SCUBE1: variants seen among roughly 807,000 people sequenced by gnomAD.
The protein encoded by SCUBE1 is signal peptide, CUB domain and EGF like domain containing 1.
Under a neutral mutation model 124.4 loss-of-function variants are expected in SCUBE1, and 59 were observed. That is an observed-to-expected ratio of 0.47 (90% CI 0.38 to 0.59). The LOEUF is 0.59. SCUBE1 is among the 20% of genes least tolerant of loss of function. SCUBE1 has a pLI of 0.00. For synonymous variants in SCUBE1, 545 were observed against 550.9 expected (o/e 0.99, Z 0.15); for missense variants, 1,150 against 1,371.2 (o/e 0.84, Z 2.55).
intron 21 of SCUBE1, among the ~76,000 whole-genome samples, chr22:43,204,838 G>C (rs1921153845): frequency 2.0e-5 from 3 of 151,918 alleles, no homozygotes; most frequent in African/African-American, 7.2e-5. Context: ...CAGCAACTCG[G>C]GAGGCTGAGG....
In SCUBE1 at chr22:43,203,832, G is replaced by A. The variant is rs41277513; in HGVS notation, c.*165C>T. 9.4e-3 allele frequency: 6,280 copies of A among 667,546 alleles called. 214 individuals carry two copies. Among genetic ancestry groups the A allele is most frequent in the African/African-American group, 0.078 (4,257 of 54,838 alleles). 41.4% of individuals were successfully genotyped at this position (667,546 alleles called of 1,614,324 possible). ...CAGGGTGCTCCCACAGGGGCAGCGGGTCCGAAGGGTGCCTGGGCTCGGTCT... is the reference window on the plus strand; with the variant it reads ...CAGGGTGCTCCCACAGGGGCAGCGGATCCGAAGGGTGCCTGGGCTCGGTCT... On this transcript the variant is annotated 3_prime_UTR_variant, in exon 22 of 22. Transcript: ENST00000360835.
chr22:43,301,218 C>T lies in SCUBE1; in HGVS notation c.350-10038G>A, dbSNP rs1015963320. Among the ~76,000 whole-genome samples, 4 of 152,182 alleles carry T rather than the reference C, an allele frequency of 2.6e-5. No individual in the cohort carries two copies. In the East Asian group the frequency reaches 7.7e-4, roughly 29 times the overall value. On this transcript the variant is annotated intron_variant, in intron 3 of 21. Coordinates refer to ENST00000360835, the MANE Select transcript of SCUBE1 (RefSeq NM_173050.5). ...AGGGCTGCCACGGCTGGGCCAGTCG[C>T]CCTCGTCTCTGGCCTGGATTCTCGA...
chr22:43,200,295 C>T lies in SCUBE1; in HGVS notation c.*3702G>A, dbSNP rs1295763577. On this transcript the variant is annotated 3_prime_UTR_variant, in exon 22 of 22. Transcript: ENST00000360835. Reference sequence around the variant, plus strand: ...CAGCGTGCGGCGCTGGGGACCTCATCAGCTGCTCAGGCGACAGTCGAGGAG... The same window carrying T: ...CAGCGTGCGGCGCTGGGGACCTCATTAGCTGCTCAGGCGACAGTCGAGGAG... The T allele has an allele frequency of 1.3e-5, 2 of 152,318 alleles. No individual in the cohort carries two copies. Among genetic ancestry groups the T allele is most frequent in the Admixed American group, 1.3e-4 (2 of 15,292 alleles). 9.4% of individuals were successfully genotyped at this position (152,318 alleles called of 1,614,324 possible).
At chr22:43,230,567 C>A (rs1427110643) in intron 8 of SCUBE1, among the ~76,000 whole-genome samples, 1 of 152,212 alleles carries the variant, frequency 6.6e-6, no homozygotes, top group Non-Finnish European at 1.5e-5. Flanking sequence ...CTCTCCTCAG[C>A]CCTCTGCAGA....
intron 9 of SCUBE1, 22 bp from the exon 10 acceptor site, chr22:43,227,518 G>A: frequency 1.2e-6 from 2 of 1,603,930 alleles, no homozygotes; most frequent in Non-Finnish European, 1.7e-6. Flanking sequence ...GCGGGCGTAA[G>A]GGCAGAGGGG....
intron 15 of SCUBE1, among the ~76,000 whole-genome samples, chr22:43,215,444 C>G (rs1172919571): frequency 2.6e-5 from 4 of 152,210 alleles, no homozygotes; most frequent in African/African-American, 9.7e-5. Flanking sequence ...GTAGAGGTGG[C>G]TGACATGGCG....
At chr22:43,339,915 C>T (rs1258468627) in intron 1 of SCUBE1, among the ~76,000 whole-genome samples, 10 of 26,642 alleles carry the variant, frequency 3.8e-4, no homozygotes, top group African/African-American at 6.3e-4. Flanking sequence ...CCTCATTCTA[C>T]CCCCCCAACA....
At chr22:43,245,150 G>C (rs563695950) in intron 6 of SCUBE1, among the ~76,000 whole-genome samples, 45 of 152,378 alleles carry the variant, frequency 3.0e-4, no homozygotes, top group Admixed American at 2.7e-3. Context: ...GGGGCCCTCT[G>C]AACTCCGGGG....
rs781093956 is a variant in SCUBE1 at position 43,222,705 on chromosome 22, T to C, written c.1365A>G (p.Pro455=). Residue 455 remains proline, a synonymous_variant, in exon 12 of 22, where the codon CCA becomes CCG. Coordinates refer to ENST00000360835, the MANE Select transcript of SCUBE1 (RefSeq NM_173050.5). ...TCTGCAGCGCCTTGCCCTGCGGCCC[T>C]GGAACTCCGCAGCTCAGGACGTAGC... The part of the protein sequence containing the change: ...ENSYVLSCGV[P]GPQGKALQKR... The C allele has an allele frequency of 5.6e-6, 9 of 1,606,334 alleles. No individual in the cohort carries two copies. Among genetic ancestry groups the C allele is most frequent in the Non-Finnish European group, 7.6e-6 (9 of 1,176,802 alleles).
intron 11 of SCUBE1, 129 bp from the exon 12 acceptor site, chr22:43,222,871 A>G: frequency 1.1e-6 from 1 of 948,632 alleles, no homozygotes; most frequent in Non-Finnish European, 1.6e-6. Flanking sequence ...AGTTTCTGCT[A>G]CACAACCACA....
Position 43,343,201 on chromosome 22 carries a change from G to C in SCUBE1, c.61C>G (p.Arg21Gly). The stretch of plus-strand genomic sequence containing the variant: ...GGGAGCCCGCTGCCCCCGGCCAGCC[G>C]CCCGCGTGTGCCCAGGGCCAGCAGC... Reference protein sequence around the residue: ...CVLLALGTRGRLAGGSGLPGS... With the variant: ...CVLLALGTRGGLAGGSGLPGS... Residue 21 changes from arginine (R) to glycine (G), a missense_variant, in exon 1 of 22, where the codon CGG becomes GGG. Coordinates refer to ENST00000360835, the MANE Select transcript of SCUBE1 (RefSeq NM_173050.5). The C allele has an allele frequency of 8.3e-7, 1 of 1,201,838 alleles. No individual in the cohort carries two copies. The highest frequency in any genetic ancestry group is 1.0e-6 in the Non-Finnish European group (1 of 964,332). 74.4% of individuals were successfully genotyped at this position (1,201,838 alleles called of 1,614,324 possible).
intron 6 of SCUBE1, among the ~76,000 whole-genome samples, chr22:43,254,060 G>A (rs1259089841): frequency 6.6e-6 from 1 of 152,218 alleles, no homozygotes; most frequent in Non-Finnish European, 1.5e-5. Flanking sequence ...GAGGCTCAAA[G>A]CCAACCCAAT....
Position 43,325,316 on chromosome 22 carries a change from G to A in SCUBE1, c.221-5251C>T, listed in dbSNP as rs1485077656. On this transcript the variant is annotated intron_variant, in intron 2 of 21. Coordinates refer to ENST00000360835, the MANE Select transcript of SCUBE1 (RefSeq NM_173050.5). ...CTCCTAGCCAGGCGTGGTGGCGCATGCCTATAATCCCAGCTACTCGGGAGG... is the reference window on the plus strand; with the variant it reads ...CTCCTAGCCAGGCGTGGTGGCGCATACCTATAATCCCAGCTACTCGGGAGG... 2.0e-5 allele frequency among the ~76,000 whole-genome samples: 3 copies of A among 152,200 alleles called. No individual in the cohort carries two copies. The East Asian group carries it at 5.8e-4, about 29-fold the overall frequency.
intron 1 of SCUBE1, among the ~76,000 whole-genome samples, chr22:43,342,679 G>A (rs1425171977): frequency 1.3e-5 from 2 of 151,692 alleles, no homozygotes; most frequent in African/African-American, 4.8e-5. Context: ...CTTTTCTCCG[G>A]GCTTCCTTTT....
At chr22:43,277,430 C>A (rs565503065) in intron 4 of SCUBE1, among the ~76,000 whole-genome samples, 1 of 152,192 alleles carries the variant, frequency 6.6e-6, no homozygotes, top group Non-Finnish European at 1.5e-5. Flanking sequence ...AGGCAAAAGA[C>A]GGCAGCGCAG....
intron 3 of SCUBE1, among the ~76,000 whole-genome samples, chr22:43,296,676 C>T (rs1224860073): frequency 1.3e-5 from 2 of 152,216 alleles, no homozygotes; most frequent in Non-Finnish European, 1.5e-5. Flanking sequence ...GTGGTTGAGG[C>T]TGGAAGGCAC....
chr22:43,226,453 C>T (rs899453230), intron 10 of SCUBE1, among the ~76,000 whole-genome samples: 5 of 151,940 alleles, frequency 3.3e-5, no homozygotes, highest in South Asian at 2.1e-4. Context: ...CCAAGAGAAG[C>T]GCACAGCCTC....
At chr22:43,226,347 G>A (rs1922302775) in intron 10 of SCUBE1, among the ~76,000 whole-genome samples, 1 of 152,182 alleles carries the variant, frequency 6.6e-6, no homozygotes, top group South Asian at 2.1e-4. Context: ...AAGTGGCCAA[G>A]GCTGCGGCTC....
rs1921704762 is a variant in SCUBE1 at position 43,214,163 on chromosome 22, C to T, written c.1980G>A (p.Gln660=). The T allele has an allele frequency of 1.9e-6, 3 of 1,612,276 alleles. No individual in the cohort carries two copies. In the African/African-American group the frequency reaches 4.0e-5, roughly 22 times the overall value. Residue 660 remains glutamine (Q), a synonymous_variant, in exon 16 of 22, where the codon CAG becomes CAA. Coordinates refer to ENST00000360835, the MANE Select transcript of SCUBE1 (RefSeq NM_173050.5). Reference sequence around the variant, plus strand: ...TGCTGGGGCACGGTGTGCAACTGAGCTGGCCTTCCATGTCCTGGTATGTTC... The same window carrying T: ...TGCTGGGGCACGGTGTGCAACTGAGTTGGCCTTCCATGTCCTGGTATGTTC... ...MPGTYQDMEG[Q]LSCTPCPSSD...
Sources: allele counts gnomAD v4.1 joint callset (sites outside exome capture counted in the v4.1 genomes callset), GRCh38; gene constraint gnomAD v4.1.1; transcripts MANE v1.5; gene names NCBI Gene and HGNC (gene_info 2026-07-23, HGNC 2026-07-21).